Variants in TFCP2L1 observed in about 807,000 individuals in gnomAD.
The protein encoded by TFCP2L1 is transcription factor CP2-like protein 1.
Under a neutral mutation model 72.2 loss-of-function variants are expected in TFCP2L1, and 12 were observed. That is an observed-to-expected ratio of 0.17 (90% CI 0.11 to 0.27). TFCP2L1 has a LOEUF of 0.27. TFCP2L1 is among the 10% of genes least tolerant of loss of function. The probability of loss-of-function intolerance (pLI) is 1.00; values close to 1 mark genes in which losing one functional copy is unlikely to be tolerated. For missense variants in TFCP2L1, 488 were observed against 624.6 expected, an observed-to-expected ratio of 0.78 and a Z score of 2.33; for synonymous variants, 260 against 251.0, an observed-to-expected ratio of 1.04 and a Z score of -0.34.
intron 2 of TFCP2L1, among the ~76,000 whole-genome samples, chr2:121,255,780 T>C (rs1451492751): frequency 6.6e-6 from 1 of 151,844 alleles, no homozygotes; most frequent in African/African-American, 2.4e-5. Flanking sequence ...TCTCGCTCTG[T>C]CGCCCAGGCT....
Position 121,285,115 on chromosome 2 carries a change from G to A in TFCP2L1, c.-6C>T. The stretch of plus-strand genomic sequence containing the variant: ...TGCGTGTGCCAGAAGAGCATGGCTG[G>A]AACTCCCAGCGCGCCGACCGGGGCG... On this transcript the variant is annotated 5_prime_UTR_variant, in exon 1 of 15. Transcript: ENST00000263707. 1 of 1,501,934 alleles carries A rather than the reference G, an allele frequency of 6.7e-7. No homozygotes were observed. Among genetic ancestry groups the A allele is most frequent in the Non-Finnish European group, 8.9e-7 (1 of 1,125,228 alleles). The allele number at this position is 1,501,934 out of a possible 1,614,324, so 93.0% of individuals were successfully genotyped here.
intron 11 of TFCP2L1, 70 bp downstream of exon 11, chr2:121,235,151 G>T (rs1241471149): frequency 3.9e-6 from 6 of 1,542,972 alleles, no homozygotes; most frequent in Non-Finnish European, 4.5e-6. Flanking sequence ...AAAGGCTGAG[G>T]TAGGGGTTTC....
intron 6 of TFCP2L1, among the ~76,000 whole-genome samples, chr2:121,245,796 T>C (rs1686468578): frequency 6.6e-6 from 1 of 152,220 alleles, no homozygotes; most frequent in African/African-American, 2.4e-5. Context: ...TGGTTCTACC[T>C]GTGGGCATTT....
intron 6 of TFCP2L1, among the ~76,000 whole-genome samples, chr2:121,243,887 C>T (rs569296776): frequency 5.9e-5 from 9 of 152,174 alleles, no homozygotes; most frequent in African/African-American, 1.7e-4. Context: ...TGAATCATCC[C>T]GAAACCATCC....
At chr2:121,262,709 A>G (rs1329534960) in intron 2 of TFCP2L1, among the ~76,000 whole-genome samples, 2 of 152,164 alleles carry the variant, frequency 1.3e-5, no homozygotes, top group African/African-American at 4.8e-5. Flanking sequence ...TACCACTGTT[A>G]TGTAATAGGT....
At chr2:121,239,834 A>T (rs1298911617) in intron 7 of TFCP2L1, among the ~76,000 whole-genome samples, 185 bp from the exon 8 acceptor site, 1 of 152,224 alleles carries the variant, frequency 6.6e-6, no homozygotes, top group African/African-American at 2.4e-5. Flanking sequence ...ACATGAAGGA[A>T]ACCAGCAGAA....
At chr2:121,233,976 G>A (rs925231893) in intron 12 of TFCP2L1, 115 bp downstream of exon 12, 17 of 905,946 alleles carry the variant, frequency 1.9e-5, no homozygotes, top group East Asian at 9.8e-5. Flanking sequence ...GGGCATGTGG[G>A]AGCCCAGGAC....
rs781032392 is a variant in TFCP2L1, at chr2:121,246,892, T to C, written c.583A>G (p.Thr195Ala). The change falls in exon 6 of 15, where the codon ACG becomes GCG. Residue 195 changes from threonine (T) to alanine (A), a missense_variant. By Grantham distance (58) the Thr-to-Ala change is moderately conservative (BLOSUM62 0). Transcript: ENST00000263707. ...TCCCCATTCTCGTTCTGCTTAAACG[T>C]GTCAATCTGGACTCGAAAGGGCACT... ...KGVPFRVQID[T>A]FKQNENGEYT... 1 of 1,614,098 alleles carries C rather than the reference T, an allele frequency of 6.2e-7. No individual in the cohort carries two copies.
Position 121,281,108 on chromosome 2 carries a change from TC to T in TFCP2L1, c.214+11del, listed in dbSNP as rs971643785. ...CTGGGTTCCGCCCTGGCCCGGGGCC[TC>T]TGGCCACTACCTTGGTTGAGGTAGG... is the stretch of plus-strand genomic sequence containing the variant. On this transcript the variant is annotated intron_variant, in intron 2 of 14. Transcript: ENST00000263707. The T allele has an allele frequency of 1.2e-6, 2 of 1,613,758 alleles. No individual in the cohort carries two copies. Among genetic ancestry groups the T allele is most frequent in the African/African-American group, 2.7e-5 (2 of 74,902 alleles).
At chr2:121,265,107 G>A (rs921848530) in intron 2 of TFCP2L1, among the ~76,000 whole-genome samples, 2 of 152,140 alleles carry the variant, frequency 1.3e-5, no homozygotes, top group African/African-American at 2.4e-5. Flanking sequence ...TAAATAAAAC[G>A]TGGTACATCC....
At chr2:121,257,241 C>A (rs1381163003) in intron 2 of TFCP2L1, among the ~76,000 whole-genome samples, 1 of 152,002 alleles carries the variant, frequency 6.6e-6, no homozygotes, top group Non-Finnish European at 1.5e-5. Context: ...TCACCACCCA[C>A]CCCCACCTCA....
chr2:121,249,914 C>A (rs556076667), intron 2 of TFCP2L1, among the ~76,000 whole-genome samples: 1 of 152,346 alleles, frequency 6.6e-6, no homozygotes, highest in South Asian at 2.1e-4. Context: ...TTCAAATAAA[C>A]AGAATCCAGG....
chr2:121,239,759 G>T, intron 7 of TFCP2L1, 110 bp from the exon 8 acceptor site: 1 of 1,068,064 alleles, frequency 9.4e-7, no homozygotes, highest in Non-Finnish European at 1.3e-6. Context: ...ACCCCCACCT[G>T]TGAAACGCAG....
At chr2:121,266,304 A>T (rs923525870) in intron 2 of TFCP2L1, among the ~76,000 whole-genome samples, 6 of 151,734 alleles carry the variant, frequency 4.0e-5, no homozygotes, top group African/African-American at 1.5e-4. Flanking sequence ...CCAAATATCC[A>T]CAAAAAATTG....
In TFCP2L1 at chr2:121,241,567, G is replaced by T. The variant is rs374866738; in HGVS notation, c.768+792C>A. On this transcript the variant is annotated intron_variant, in intron 7 of 14. Transcript: ENST00000263707. ...AGGAGTTCCCATGGACATATGGAGG[G>T]TTGGAGCAGGCTGGCATTGCTGTCA... Among the ~76,000 whole-genome samples, 163 of 151,974 alleles carry T rather than the reference G, an allele frequency of 1.1e-3. 7 individuals carry two copies. The South Asian group carries it at 0.032, about 29-fold the overall frequency.
At position 121,231,719 on chromosome 2, in the gene TFCP2L1, A is replaced by T. The variant is rs1203554313; in HGVS notation, c.1341+107T>A. The T allele has an allele frequency of 6.7e-6, 10 of 1,485,076 alleles. No homozygotes were observed. The East Asian group carries it at 2.1e-4, about 31-fold the overall frequency. The allele number at this position is 1,485,076 out of a possible 1,614,324, so 92.0% of individuals were successfully genotyped here. On this transcript the variant is annotated intron_variant, in intron 13 of 14. Coordinates refer to ENST00000263707, the MANE Select transcript of TFCP2L1 (RefSeq NM_014553.3). ...ACAGCTGCAGGTGGTGTGCAGATGA[A>T]CCTGTCTGTCACTCCCAAACCCAAG...
chr2:121,247,752 CCA>C (rs1437878020), intron 5 of TFCP2L1, among the ~76,000 whole-genome samples: 5 of 152,068 alleles, frequency 3.3e-5, no homozygotes, highest in African/African-American at 1.2e-4. Flanking sequence ...AACCACAATG[CCA>C]CAGTCACATC....
At chr2:121,227,571 C>T (rs1362870852) in intron 13 of TFCP2L1, among the ~76,000 whole-genome samples, 1 of 152,044 alleles carries the variant, frequency 6.6e-6, no homozygotes, top group Non-Finnish European at 1.5e-5. Flanking sequence ...ATCCCAGCTA[C>T]TCAGAAGGCT....
intron 1 of TFCP2L1, among the ~76,000 whole-genome samples, chr2:121,284,112 C>T (rs1206985284): frequency 6.6e-6 from 1 of 152,234 alleles, no homozygotes; most frequent in African/African-American, 2.4e-5. Context: ...GGGGCCAAAA[C>T]TAGCACTTAA....
Sources: allele counts gnomAD v4.1 joint callset (sites outside exome capture counted in the v4.1 genomes callset), GRCh38; gene constraint gnomAD v4.1.1; transcripts MANE v1.5; gene names NCBI Gene and HGNC (gene_info 2026-07-23, HGNC 2026-07-21).